The following CFAP44 variants were observed in gnomAD, a reference collection of about 807,000 sequenced individuals.
CFAP44 encodes the protein cilia- and flagella-associated protein 44.
In CFAP44, 134 loss-of-function variants were observed where a neutral mutation model predicts 216.2. The ratio of observed to expected loss-of-function variants is 0.62; its 90% CI spans 0.54 to 0.72. The LOEUF (loss-of-function observed/expected upper bound fraction) is 0.72. Ranked by LOEUF, CFAP44 falls within the 30% of genes least tolerant of loss-of-function variation. CFAP44 has a pLI of 0.00. For missense variants in CFAP44, 2,035 were observed against 2,182.1 expected, an observed-to-expected ratio of 0.93 and a Z score of 1.34; for synonymous variants, 700 against 727.6, an observed-to-expected ratio of 0.96 and a Z score of 0.61.
chr3:113,435,735 T>TACA (rs1553764268), intron 1 of CFAP44, among the ~76,000 whole-genome samples: 2 of 141,086 alleles, frequency 1.4e-5, no homozygotes, highest in African/African-American at 2.6e-5. Context: ...CTTCTAAAAT[T>TACA]AAAAAAAAAA....
intron 18 of CFAP44, among the ~76,000 whole-genome samples, chr3:113,369,252 C>T (rs898256046): frequency 1.3e-5 from 2 of 152,184 alleles, no homozygotes; most frequent in African/African-American, 4.8e-5. Flanking sequence ...ATCTATAGAA[C>T]TCTCCATCTC....
chr3:113,308,092 G>C (rs188752729), intron 29 of CFAP44, 66 bp downstream of exon 29: 12 of 1,254,810 alleles, frequency 9.6e-6, no homozygotes, highest in South Asian at 3.1e-5. Flanking sequence ...AACCAAAAAG[G>C]GTCTTCCCAG....
At chr3:113,321,346 A>T (rs1176952522) in intron 28 of CFAP44, among the ~76,000 whole-genome samples, 1 of 152,258 alleles carries the variant, frequency 6.6e-6, no homozygotes, top group Non-Finnish European at 1.5e-5. Flanking sequence ...AATCCTTGAC[A>T]GACTAGGCAT....
chr3:113,373,102 G>A (rs1051200717), intron 18 of CFAP44, among the ~76,000 whole-genome samples: 1 of 152,192 alleles, frequency 6.6e-6, no homozygotes, highest in African/African-American at 2.4e-5. Context: ...GATTTCTCCA[G>A]AATAACTGTA....
intron 28 of CFAP44, among the ~76,000 whole-genome samples, chr3:113,324,327 G>GA (rs1258221615): frequency 6.6e-6 from 1 of 151,914 alleles, no homozygotes; most frequent in Non-Finnish European, 1.5e-5. Context: ...GAAAACTACA[G>GA]AAAAATGATC....
rs1006673372 is a variant in CFAP44 at position 113,288,246 on chromosome 3, C to T, written c.*3311G>A. The T allele has an allele frequency of 6.6e-6, 1 of 152,194 alleles. No homozygotes were observed. Among genetic ancestry groups the T allele is most frequent in the Admixed American group, 6.5e-5 (1 of 15,282 alleles). 9.4% of individuals were successfully genotyped at this position (152,194 alleles called of 1,614,324 possible). On this transcript the variant is annotated 3_prime_UTR_variant, in exon 35 of 35. Transcript: ENST00000393845. ...TCACTCTGACTGTTTAGGGCAAGTG[C>T]ATCCTCTGCTGGCCAAAATAAGTAT...
intron 4 of CFAP44, among the ~76,000 whole-genome samples, chr3:113,423,105 C>CTTTTTTTTTTT (rs72395986): frequency 1.4e-4 from 11 of 79,158 alleles, no homozygotes; most frequent in East Asian, 4.1e-4. Flanking sequence ...CTGATCCTTC[C>CTTTTTTTTTTT]TTTTTTTTTT....
intron 4 of CFAP44, among the ~76,000 whole-genome samples, chr3:113,425,197 T>A (rs567087664): frequency 6.6e-6 from 1 of 152,324 alleles, no homozygotes; most frequent in South Asian, 2.1e-4. Context: ...TTTAACAACA[T>A]GTTCTATTTT....
In CFAP44 at chr3:113,290,519, G is replaced by C. The variant is rs3814407; in HGVS notation, c.*1038C>G. ...CTGGAACAGCCTCAATGAGTAGCTC[G>C]TTAATACAGAGCTCTTAATCTAAAG... On this transcript the variant is annotated 3_prime_UTR_variant, in exon 35 of 35. Transcript: ENST00000393845. 1 of 152,036 alleles carries C rather than the reference G, an allele frequency of 6.6e-6. No homozygotes were observed. The highest frequency in any genetic ancestry group is 2.4e-5 in the African/African-American group (1 of 41,378). 9.4% of individuals were successfully genotyped at this position (152,036 alleles called of 1,614,324 possible). A position where few individuals can be genotyped will look rare whatever the true frequency, so the allele number is the denominator to read the frequency against.
chr3:113,326,316 C>T, intron 28 of CFAP44, 129 bp downstream of exon 28: 1 of 784,166 alleles, frequency 1.3e-6, no homozygotes, highest in Non-Finnish European at 1.8e-6. Flanking sequence ...TCCTCTTTAG[C>T]CCCCACAGTG....
At chr3:113,371,100 A>C (rs1416597258) in intron 18 of CFAP44, among the ~76,000 whole-genome samples, 1 of 152,246 alleles carries the variant, frequency 6.6e-6, no homozygotes, top group Non-Finnish European at 1.5e-5. Context: ...CAAATGGAAG[A>C]ACATTCCATG....
chr3:113,408,216 A>G (rs748761689), intron 7 of CFAP44, among the ~76,000 whole-genome samples: 5 of 152,208 alleles, frequency 3.3e-5, no homozygotes, highest in Non-Finnish European at 7.3e-5. Flanking sequence ...GTGGTAGAAG[A>G]TTGTTACGCA....
intron 15 of CFAP44, among the ~76,000 whole-genome samples, chr3:113,394,689 A>G (rs1409184174): frequency 6.6e-6 from 1 of 152,172 alleles, no homozygotes; most frequent in African/African-American, 2.4e-5. Flanking sequence ...TGGCCCACAC[A>G]TAAAATACAC....
At chr3:113,322,180 C>T (rs879932014) in intron 28 of CFAP44, among the ~76,000 whole-genome samples, 5 of 152,238 alleles carry the variant, frequency 3.3e-5, no homozygotes, top group Admixed American at 3.3e-4. Flanking sequence ...GACACATAGA[C>T]CGCAAGATCA....
At chr3:113,362,759 C>A in intron 21 of CFAP44, 1 of 394,946 alleles carries the variant, frequency 2.5e-6, no homozygotes, top group Non-Finnish European at 4.0e-6. Context: ...TGACGTTTAG[C>A]CATAGTTCCC....
chr3:113,368,818 C>A (rs1244377688), intron 18 of CFAP44, among the ~76,000 whole-genome samples: 1 of 152,068 alleles, frequency 6.6e-6, no homozygotes, highest in African/African-American at 2.4e-5. Flanking sequence ...AAGTCATGAC[C>A]CATCAGTGTG....
chr3:113,324,042 C>CAAAAAAAAAAAAAAAAAAA (rs200919084), intron 28 of CFAP44, among the ~76,000 whole-genome samples: 77 of 71,762 alleles, frequency 1.1e-3, no homozygotes, highest in Middle Eastern at 9.6e-3. Context: ...GACTCCGTCT[C>CAAAAAAAAAAAAAAAAAAA]AAAAAAAAAA....
In CFAP44 at chr3:113,354,338, G is replaced by C. The variant is rs151077666; in HGVS notation, c.3065+4407C>G. ...TGGATCACCCATGCAGGTTCCCTGAGATGCCAAAAAACTGAATCTGCCTGC... is the reference window on the plus strand; with the variant it reads ...TGGATCACCCATGCAGGTTCCCTGACATGCCAAAAAACTGAATCTGCCTGC... On this transcript the variant is annotated intron_variant, in intron 22 of 34. Coordinates refer to ENST00000393845, the MANE Select transcript of CFAP44 (RefSeq NM_001164496.2). Among the ~76,000 whole-genome samples, 291 of 152,326 alleles carry C rather than the reference G, an allele frequency of 1.9e-3. 2 individuals are homozygous for C. Among genetic ancestry groups the C allele is most frequent in the African/African-American group, 5.7e-3 (238 of 41,568 alleles).
At chr3:113,436,425 C>A (rs1935242698) in intron 1 of CFAP44, among the ~76,000 whole-genome samples, 1 of 152,156 alleles carries the variant, frequency 6.6e-6, no homozygotes, top group African/African-American at 2.4e-5. Context: ...CTAGGCATTG[C>A]AGAGGATACA....
Sources: gnomAD v4.1 joint callset for allele counts (sites outside exome capture counted in the v4.1 genomes callset) on GRCh38, gnomAD v4.1.1 for gene constraint, MANE v1.5 for transcripts, NCBI Gene and HGNC (gene_info 2026-07-23, HGNC 2026-07-21) for gene names.